The following ZNF532 variants were observed in gnomAD, a reference collection of about 807,000 sequenced individuals.
ZNF532 encodes zinc finger protein 532.
Under a neutral mutation model 89.3 loss-of-function variants are expected in ZNF532, and 22 were observed. The observed-to-expected ratio is 0.25, with a 90% confidence interval of 0.18 to 0.35. ZNF532 has a LOEUF of 0.35. Ranked by LOEUF, ZNF532 falls within the 10% of genes least tolerant of loss-of-function variation. ZNF532 has a pLI of 1.00. For missense variants in ZNF532, 1,132 were observed against 1,643.4 expected, an observed-to-expected ratio of 0.69 and a Z score of 5.38; for synonymous variants, 606 against 649.6, an observed-to-expected ratio of 0.93 and a Z score of 1.02.
chr18:58,943,421 A>G (rs754763822), intron 5 of ZNF532, among the ~76,000 whole-genome samples: 3 of 148,506 alleles, frequency 2.0e-5, no homozygotes, highest in African/African-American at 5.0e-5. Context: ...CGGCTTCCCA[A>G]AGTGCTGGGA....
At chr18:58,943,068 CATA>C (rs1158649508) in intron 5 of ZNF532, among the ~76,000 whole-genome samples, 3 of 151,880 alleles carry the variant, frequency 2.0e-5, no homozygotes, top group African/African-American at 4.8e-5. Context: ...TGTGGGCAGG[CATA>C]GTACCCTGCT....
chr18:58,870,968 G>A (rs1284422396), intron 2 of ZNF532, among the ~76,000 whole-genome samples: 1 of 152,152 alleles, frequency 6.6e-6, no homozygotes, highest in African/African-American at 2.4e-5. Context: ...GGGTTGCTTG[G>A]GCTGGAGGTC....
chr18:58,881,162 C>T (rs532827613), intron 2 of ZNF532, among the ~76,000 whole-genome samples: 36 of 150,810 alleles, frequency 2.4e-4, no homozygotes, highest in South Asian at 2.1e-3. Flanking sequence ...AGTGCAGTGG[C>T]GTGATCTCGG....
At chr18:58,885,808 C>T (rs988782424) in intron 2 of ZNF532, among the ~76,000 whole-genome samples, 1 of 150,448 alleles carries the variant, frequency 6.6e-6, no homozygotes, top group Non-Finnish European at 1.5e-5. Context: ...GAGCCGAAAT[C>T]GCATCATCGT....
Position 58,919,994 on chromosome 18 carries a change from A to C in ZNF532, c.1707A>C (p.Arg569=), listed in dbSNP as rs2060907336. The C allele has an allele frequency of 6.2e-7, 1 of 1,613,640 alleles. No individual in the cohort carries two copies. The highest frequency in any genetic ancestry group is 1.7e-5 in the Admixed American group (1 of 59,940). Residue 569 remains arginine, a synonymous_variant, in exon 3 of 10, where the codon CGA becomes CGC. Transcript: ENST00000591808. The surrounding 1 kb of genome is among the most constrained non-coding windows in gnomAD (Gnocchi z 6.1). ...CGCAACCCCCCAAAAAGGTGTCTCG[A>C]GTCCAGGTGGTGTCGTCCTTGCAGA... ...AASQPPKKVS[R]VQVVSSLQSS...
intron 2 of ZNF532, among the ~76,000 whole-genome samples, 162 bp downstream of exon 2, chr18:58,865,741 G>A (rs1261285564): frequency 6.6e-6 from 1 of 152,214 alleles, no homozygotes. Flanking sequence ...GTGACTTTAT[G>A]ATGGTATTGC....
At chr18:58,903,195 A>G (rs1043581457) in intron 2 of ZNF532, among the ~76,000 whole-genome samples, 3 of 152,184 alleles carry the variant, frequency 2.0e-5, no homozygotes, top group Non-Finnish European at 4.4e-5. Flanking sequence ...AACCTGAAGA[A>G]TGAGTTCTTC....
At chr18:58,927,360 G>A (rs1397854230) in intron 3 of ZNF532, among the ~76,000 whole-genome samples, 1 of 151,902 alleles carries the variant, frequency 6.6e-6, no homozygotes, top group African/African-American at 2.4e-5. Context: ...GATTTGGCTG[G>A]AGTAGACAGT....
intron 2 of ZNF532, chr18:58,916,625 G>A (rs560915541): frequency 2.5e-6 from 2 of 786,482 alleles, no homozygotes; most frequent in East Asian, 1.3e-4. Context: ...GAATAGAAGC[G>A]GATTTATTCT....
At chr18:58,916,799 G>A (rs2060632141) in intron 2 of ZNF532, 1 of 865,458 alleles carries the variant, frequency 1.2e-6, no homozygotes, top group South Asian at 5.3e-5. Context: ...TCAGGCATGT[G>A]TATTCTCACT....
chr18:58,972,836 T>C (rs947413113), intron 7 of ZNF532, among the ~76,000 whole-genome samples: 5 of 152,226 alleles, frequency 3.3e-5, no homozygotes, highest in African/African-American at 9.6e-5. Flanking sequence ...TGTTACTCCA[T>C]GATTACTTCG....
Position 58,925,456 on chromosome 18 carries a change from T to C in ZNF532, c.2346+4823T>C, listed in dbSNP as rs964513695. Among the ~76,000 whole-genome samples, 3 of 152,350 alleles carry C rather than the reference T, an allele frequency of 2.0e-5. No homozygotes were observed. In the South Asian group the frequency reaches 6.2e-4, roughly 32 times the overall value. ...TTCATATCTTTTGCCCATTTCTAAT[T>C]AGGTTGTTTGCTTTTACAACAGATC... is the stretch of plus-strand genomic sequence containing the variant. On this transcript the variant is annotated intron_variant, in intron 3 of 9. Coordinates refer to ENST00000591808, the MANE Select transcript of ZNF532 (RefSeq NM_001375912.1).
At chr18:58,872,879 T>C (rs1479328781) in intron 2 of ZNF532, among the ~76,000 whole-genome samples, 2 of 151,618 alleles carry the variant, frequency 1.3e-5, no homozygotes, top group Non-Finnish European at 2.9e-5. Flanking sequence ...TTTGTATTTT[T>C]AGTAGAGATG....
intron 2 of ZNF532, among the ~76,000 whole-genome samples, chr18:58,875,048 A>T (rs2057316505): frequency 6.6e-6 from 1 of 152,204 alleles, no homozygotes; most frequent in Non-Finnish European, 1.5e-5. Flanking sequence ...TATAAGATAC[A>T]TATCAGGTTT....
intron 2 of ZNF532, among the ~76,000 whole-genome samples, chr18:58,906,039 G>A (rs1045719960): frequency 6.6e-6 from 1 of 152,256 alleles, no homozygotes; most frequent in South Asian, 2.1e-4. Context: ...ATCACAGCCC[G>A]GGGACATACT....
At position 58,888,866 on chromosome 18, in the gene ZNF532, ATAATATATATTAT is replaced by A. The variant is rs1283878316; in HGVS notation, c.-18+23288_-18+23300del. Among the ~76,000 whole-genome samples, 88 of 53,010 alleles carry A rather than the reference ATAATATATATTAT, an allele frequency of 1.7e-3. 10 individuals are homozygous for A. Among genetic ancestry groups the A allele is most frequent in the Middle Eastern group, 9.8e-3 (1 of 102 alleles). The allele number at this position is 53,010 out of a possible 152,430, so 34.8% of individuals were successfully genotyped here. ...TTATATATATATAATTTATATATAT[ATAATATATATTAT>A]ATATATATATTTTATATATATATAT... On this transcript the variant is annotated intron_variant, in intron 2 of 9. Coordinates refer to ENST00000591808, the MANE Select transcript of ZNF532 (RefSeq NM_001375912.1).
chr18:58,879,031 C>G lies in ZNF532; in HGVS notation c.-18+13452C>G, dbSNP rs1177156840. ...CTGTCCTACTTGCAGTTCTCAAGGCCAAAAATCTCACTGGGCCTGGTCTAA... is the reference window on the plus strand; with the variant it reads ...CTGTCCTACTTGCAGTTCTCAAGGCGAAAAATCTCACTGGGCCTGGTCTAA... On this transcript the variant is annotated intron_variant, in intron 2 of 9. Transcript: ENST00000591808. 2.0e-5 allele frequency among the ~76,000 whole-genome samples: 3 copies of G among 152,144 alleles called. No homozygotes were observed. In the East Asian group the frequency reaches 5.8e-4, roughly 29 times the overall value.
rs562543592 is a variant in ZNF532 at position 58,904,002 on chromosome 18, C to T, written c.-17-14269C>T. 5.3e-5 allele frequency among the ~76,000 whole-genome samples: 8 copies of T among 152,286 alleles called. No individual in the cohort carries two copies. The South Asian group carries it at 1.2e-3, about 24-fold the overall frequency. On this transcript the variant is annotated intron_variant, in intron 2 of 9. Transcript: ENST00000591808. ...TTAAAACTTCCCCTGCATGCTCTCCCTTAGTAATAATAGGTGGCCTTTTTG... is the reference window on the plus strand; with the variant it reads ...TTAAAACTTCCCCTGCATGCTCTCCTTTAGTAATAATAGGTGGCCTTTTTG...
chr18:58,887,532 G>A (rs145735679), intron 2 of ZNF532, among the ~76,000 whole-genome samples: 2,058 of 152,270 alleles, frequency 0.014, 27 homozygotes, highest in South Asian at 0.027. Context: ...ATTTATTTCC[G>A]GGGTGATGCA....
Sources: allele counts gnomAD v4.1 joint callset (sites outside exome capture counted in the v4.1 genomes callset), GRCh38; gene constraint gnomAD v4.1.1; non-coding constraint Gnocchi (gnomAD v3.1); transcripts MANE v1.5; gene names NCBI Gene and HGNC (gene_info 2026-07-23, HGNC 2026-07-21).